FHIT: variants seen among roughly 807,000 people sequenced by gnomAD.
FHIT encodes the protein fragile histidine triad diadenosine triphosphatase, also known as bis(5'-adenosyl)-triphosphatase.
A neutral mutation model predicts 17.9 loss-of-function variants in FHIT; 19 were observed. The ratio of observed to expected loss-of-function variants is 1.06; its 90% CI spans 0.74 to 1.56. FHIT has a LOEUF of 1.56. Among genes scored for constraint, FHIT ranks in the 40% most tolerant of loss-of-function variants. FHIT has a pLI of 0.00. For synonymous variants in FHIT, 81 were observed against 69.7 expected (o/e 1.16, Z -0.81); for missense variants, 248 against 189.2 (o/e 1.31, Z -1.82).
chr3:60,084,183 C>G (rs1323227261), intron 5 of FHIT, among the ~76,000 whole-genome samples: 1 of 152,120 alleles, frequency 6.6e-6, no homozygotes, highest in South Asian at 2.1e-4. Context: ...AAAATGGAAT[C>G]AGGAGTAGGA....
At chr3:61,219,918 T>C (rs974239563) in intron 1 of FHIT, among the ~76,000 whole-genome samples, 3 of 152,234 alleles carry the variant, frequency 2.0e-5, no homozygotes, top group Non-Finnish European at 2.9e-5. Flanking sequence ...CTTATCCCAG[T>C]AGAAACCTTT....
chr3:60,585,415 C>T (rs1446943818), intron 4 of FHIT, among the ~76,000 whole-genome samples: 6 of 151,986 alleles, frequency 3.9e-5, no homozygotes, highest in African/African-American at 1.4e-4. Flanking sequence ...GTGGTAGTCA[C>T]CCTTAAGTTA....
At chr3:60,514,295 T>C (rs2035062665) in intron 5 of FHIT, among the ~76,000 whole-genome samples, 3 of 152,208 alleles carry the variant, frequency 2.0e-5, no homozygotes, top group Admixed American at 1.3e-4. Flanking sequence ...GACGCTGCCA[T>C]GGGGCATGCA....
At chr3:60,608,789 C>T (rs992978594) in intron 4 of FHIT, among the ~76,000 whole-genome samples, 5 of 152,028 alleles carry the variant, frequency 3.3e-5, no homozygotes, top group African/African-American at 1.2e-4. Context: ...CAGTCAAAGT[C>T]ATGTAAAGAG....
chr3:60,159,346 C>A (rs1338147970), intron 5 of FHIT, among the ~76,000 whole-genome samples: 1 of 152,132 alleles, frequency 6.6e-6, no homozygotes, highest in Non-Finnish European at 1.5e-5. Flanking sequence ...GTCTCAAACT[C>A]CTAGGCTCAA....
rs138601547 is a variant in FHIT at position 59,928,397 on chromosome 3, A to C, written c.280-5983T>G. Among the ~76,000 whole-genome samples the C allele has an allele frequency of 5.0e-3, 756 of 152,322 alleles. 9 individuals carry two copies. Among genetic ancestry groups the C allele is most frequent in the African/African-American group, 0.017 (726 of 41,562 alleles). ...TCCTTAAAACTGGAAGAGGGTGAAC[A>C]TCATCAAAATTGTAAACTTTCTACT... On this transcript the variant is annotated intron_variant, in intron 7 of 9. Coordinates refer to ENST00000492590, the MANE Select transcript of FHIT (RefSeq NM_002012.4).
intron 5 of FHIT, among the ~76,000 whole-genome samples, chr3:60,467,842 C>A (rs748621146): frequency 2.6e-5 from 4 of 152,028 alleles, no homozygotes; most frequent in Non-Finnish European, 4.4e-5. Flanking sequence ...GTCTGTACTG[C>A]AGATTAAGTA....
chr3:60,030,797 C>T (rs946200035), intron 5 of FHIT, among the ~76,000 whole-genome samples: 7 of 151,654 alleles, frequency 4.6e-5, no homozygotes, highest in Admixed American at 3.9e-4. Context: ...AAGGGAATGA[C>T]TATTAGAACG....
chr3:60,074,098 G>A lies in FHIT; in HGVS notation c.104-59946C>T, dbSNP rs138869602. Among the ~76,000 whole-genome samples, 517 of 152,106 alleles carry A rather than the reference G, an allele frequency of 3.4e-3. 2 individuals carry two copies. Among genetic ancestry groups the A allele is most frequent in the African/African-American group, 0.012 (489 of 41,508 alleles). On this transcript the variant is annotated intron_variant, in intron 5 of 9. Coordinates refer to ENST00000492590, the MANE Select transcript of FHIT (RefSeq NM_002012.4). ...GAAGCAGATGTCTTAGTTTTTTGCTGGGTCTTGGAGGGTGACAGACACATG... is the reference window on the plus strand; with the variant it reads ...GAAGCAGATGTCTTAGTTTTTTGCTAGGTCTTGGAGGGTGACAGACACATG...
intron 5 of FHIT, among the ~76,000 whole-genome samples, chr3:60,454,470 C>T (rs1381278569): frequency 1.3e-5 from 2 of 151,768 alleles, no homozygotes; most frequent in Non-Finnish European, 2.9e-5. Flanking sequence ...CTGCAACCTC[C>T]ACCTCCTGGG....
rs148124621 is a variant in FHIT, at chr3:60,716,738, G to A, written c.-18+105181C>T. On this transcript the variant is annotated intron_variant, in intron 4 of 9. Transcript: ENST00000492590. ...TATTATGTACTGTATGTAATTGTAT[G>A]TGCTATACAGCTGGCAGCACAGTAG... is the stretch of plus-strand genomic sequence containing the variant. Among the ~76,000 whole-genome samples the A allele has an allele frequency of 2.6e-4, 39 of 152,288 alleles. No individual in the cohort carries two copies. In the East Asian group the frequency reaches 5.4e-3, roughly 21 times the overall value.
chr3:60,383,712 T>A (rs927084201), intron 5 of FHIT, among the ~76,000 whole-genome samples: 2 of 152,168 alleles, frequency 1.3e-5, no homozygotes, highest in African/African-American at 4.8e-5. Flanking sequence ...CAAGTCCATG[T>A]GACCATTTAG....
intron 3 of FHIT, among the ~76,000 whole-genome samples, chr3:61,012,204 T>C (rs1422382707): frequency 3.3e-5 from 5 of 152,170 alleles, no homozygotes; most frequent in African/African-American, 7.2e-5. Context: ...AGATTCAATA[T>C]GGCACCTCTA....
At chr3:59,771,430 G>A (rs2106832859) in intron 8 of FHIT, among the ~76,000 whole-genome samples, 1 of 152,302 alleles carries the variant, frequency 6.6e-6, no homozygotes, top group East Asian at 1.9e-4. Context: ...AGATCCAACG[G>A]AAAGCTTGAC....
chr3:60,113,188 C>G (rs1385913291), intron 5 of FHIT, among the ~76,000 whole-genome samples: 1 of 152,120 alleles, frequency 6.6e-6, no homozygotes, highest in African/African-American at 2.4e-5. Flanking sequence ...CTCCTTATCT[C>G]CTTTCCCTAC....
At chr3:60,691,965 G>C (rs1167757231) in intron 4 of FHIT, among the ~76,000 whole-genome samples, 1 of 152,058 alleles carries the variant, frequency 6.6e-6, no homozygotes, top group Admixed American at 6.6e-5. Flanking sequence ...TTTTACTTTA[G>C]TTTATCATGA....
intron 5 of FHIT, among the ~76,000 whole-genome samples, chr3:60,272,340 T>G (rs1480824752): frequency 6.6e-6 from 1 of 152,182 alleles, no homozygotes; most frequent in Admixed American, 6.5e-5. Flanking sequence ...GAAGGTTGCA[T>G]AGACCAGGGA....
intron 5 of FHIT, among the ~76,000 whole-genome samples, chr3:60,014,565 T>TA (rs1488670734): frequency 4.6e-5 from 7 of 152,356 alleles, no homozygotes; most frequent in African/African-American, 1.7e-4. Context: ...TTTCTCTAGG[T>TA]AGAACATGGG....
chr3:60,385,988 T>C (rs960841801), intron 5 of FHIT, among the ~76,000 whole-genome samples: 1 of 152,160 alleles, frequency 6.6e-6, no homozygotes. Context: ...ACGAACTCTT[T>C]AGAGCTGACT....
Sources: allele counts gnomAD v4.1 joint callset (sites outside exome capture counted in the v4.1 genomes callset), GRCh38; gene constraint gnomAD v4.1.1; transcripts MANE v1.5; gene names NCBI Gene and HGNC (gene_info 2026-07-23, HGNC 2026-07-21).